NBEA: variants seen among roughly 807,000 people sequenced by gnomAD.
NBEA encodes lysosomal-trafficking regulator 2.
In NBEA, 44 loss-of-function variants were observed where a neutral mutation model predicts 343.4. The ratio of observed to expected loss-of-function variants is 0.13; its 90% CI spans 0.10 to 0.16. The LOEUF is 0.16. NBEA is among the 10% of genes least tolerant of loss of function. The pLI, the probability that NBEA is intolerant of heterozygous loss-of-function variation, is 1.00. For missense variants in NBEA, 2,555 were observed against 3,631.3 expected (o/e 0.70, Z 7.62); for synonymous variants, 1,175 against 1,238.7 (o/e 0.95, Z 1.08).
chr13:35,197,549 A>C (rs1328604449), intron 31 of NBEA, among the ~76,000 whole-genome samples: 1 of 151,120 alleles, frequency 6.6e-6, no homozygotes, highest in East Asian at 1.9e-4. Context: ...ATGGAGTCTC[A>C]CTCTGTCACC....
chr13:35,103,256 C>A (rs1284350389), intron 11 of NBEA, among the ~76,000 whole-genome samples: 2 of 151,794 alleles, frequency 1.3e-5, no homozygotes, highest in African/African-American at 2.4e-5. Flanking sequence ...TTCATTCTTA[C>A]ATGTCCTTTA....
intron 1 of NBEA, among the ~76,000 whole-genome samples, chr13:35,038,086 C>T (rs1423053127): frequency 2.6e-5 from 4 of 152,162 alleles, no homozygotes; most frequent in African/African-American, 9.7e-5. Context: ...AGTCCTTCCC[C>T]TTTTCCACTT....
chr13:35,396,898 A>C (rs2042772448), intron 38 of NBEA, among the ~76,000 whole-genome samples: 1 of 152,084 alleles, frequency 6.6e-6, no homozygotes, highest in African/African-American at 2.4e-5. Context: ...ATTACATCAG[A>C]TAGTCCTGTT....
intron 49 of NBEA, among the ~76,000 whole-genome samples, chr13:35,640,272 C>G (rs550811739): frequency 6.6e-6 from 1 of 152,112 alleles, no homozygotes; most frequent in African/African-American, 2.4e-5. Flanking sequence ...GGAAGGAAAG[C>G]CAAAAAGGAA....
Position 35,177,012 on chromosome 13 carries a change from T to A in NBEA, c.4571T>A (p.Val1524Asp), listed in dbSNP as rs1259762515. ...TAASKTPLEN[V>D]PGNLSPIKDP... The stretch of plus-strand genomic sequence containing the variant: ...TTTTCAAAGACTCCATTGGAAAATG[T>A]TCCAGGTAACCTTTCTCCTATTAAG... The change falls in exon 28 of 59, where the codon GTT (valine) becomes GAT (aspartate). Residue 1524 changes from valine (V) to aspartate (D), a missense_variant. Physicochemically the swap from Val to Asp is radical, Grantham distance 152. Around this residue, in one of 21 missense-constraint regions of NBEA, gnomAD observed 168 missense variants for 193.0 expected, o/e 0.87. Transcript: ENST00000379939. The A allele has an allele frequency of 6.3e-7, 1 of 1,595,332 alleles. No homozygotes were observed. Among genetic ancestry groups the A allele is most frequent in the Non-Finnish European group, 8.6e-7 (1 of 1,168,402 alleles).
intron 28 of NBEA, 84 bp downstream of exon 28, chr13:35,177,187 G>A: frequency 9.8e-7 from 1 of 1,017,470 alleles, no homozygotes; most frequent in Non-Finnish European, 1.5e-6. Context: ...AGCTGCTTAT[G>A]AAAACGACAT....
In NBEA at chr13:35,142,439, A is replaced by G. The variant is rs1280126003; in HGVS notation, c.2445+62A>G. ...TATACAGTGGAAACCCTCTTAATCTATGCAATTGAGATGAGTAGTTGGTCT... is the reference window on the plus strand; with the variant it reads ...TATACAGTGGAAACCCTCTTAATCTGTGCAATTGAGATGAGTAGTTGGTCT... On this transcript the variant is annotated intron_variant, in intron 18 of 58. Coordinates refer to ENST00000379939, the MANE Select transcript of NBEA (RefSeq NM_001385012.1). The G allele has an allele frequency of 9.5e-6, 11 of 1,155,128 alleles. No homozygotes were observed. In the East Asian group the frequency reaches 1.2e-4, roughly 13 times the overall value. 71.6% of individuals were successfully genotyped at this position (1,155,128 alleles called of 1,614,324 possible). A position where few individuals can be genotyped will look rare whatever the true frequency, so the allele number is the denominator to read the frequency against.
At chr13:35,290,630 T>A (rs2035744667) in intron 35 of NBEA, among the ~76,000 whole-genome samples, 180 bp downstream of exon 35, 1 of 151,414 alleles carries the variant, frequency 6.6e-6, no homozygotes, top group Admixed American at 6.6e-5. Flanking sequence ...TCTTACCATG[T>A]AAATATTGAC....
At chr13:35,625,721 C>A (rs1237291310) in intron 48 of NBEA, among the ~76,000 whole-genome samples, 1 of 152,000 alleles carries the variant, frequency 6.6e-6, no homozygotes, top group African/African-American at 2.4e-5. Context: ...AGGAAATTTA[C>A]AGAAGAGGAA....
intron 34 of NBEA, among the ~76,000 whole-genome samples, chr13:35,249,006 G>A (rs369915242): frequency 6.6e-5 from 10 of 151,944 alleles, no homozygotes; most frequent in Non-Finnish European, 1.3e-4. Flanking sequence ...AAAATTAGCC[G>A]GGCATGTTGG....
intron 1 of NBEA, among the ~76,000 whole-genome samples, chr13:35,038,953 C>T (rs1003097087): frequency 1.3e-5 from 2 of 152,058 alleles, no homozygotes; most frequent in Non-Finnish European, 2.9e-5. Flanking sequence ...AGGTACAGTC[C>T]TTATGGCCTA....
chr13:35,318,710 G>A (rs1467236120), intron 36 of NBEA, among the ~76,000 whole-genome samples: 2 of 152,128 alleles, frequency 1.3e-5, no homozygotes, highest in Non-Finnish European at 2.9e-5. Flanking sequence ...GGTAGAATTC[G>A]GCTATGAATC....
chr13:35,582,042 T>C (rs2081074891), intron 45 of NBEA, among the ~76,000 whole-genome samples: 1 of 152,074 alleles, frequency 6.6e-6, no homozygotes, highest in African/African-American at 2.4e-5. Context: ...ATCCCAGCAC[T>C]TTGGGAGGCC....
chr13:35,262,633 C>G (rs1254292764), intron 34 of NBEA, among the ~76,000 whole-genome samples: 1 of 152,074 alleles, frequency 6.6e-6, no homozygotes, highest in Non-Finnish European at 1.5e-5. Context: ...ATAACAAAAT[C>G]ATACTGATGA....
intron 1 of NBEA, among the ~76,000 whole-genome samples, chr13:35,037,815 C>A (rs534546581): frequency 6.7e-4 from 102 of 152,300 alleles, no homozygotes; most frequent in African/African-American, 2.3e-3. Flanking sequence ...AGTGCTGGGT[C>A]TTGCCCAAGG....
intron 33 of NBEA, among the ~76,000 whole-genome samples, chr13:35,212,744 T>C (rs1431399174): frequency 6.6e-6 from 1 of 152,144 alleles, no homozygotes; most frequent in Non-Finnish European, 1.5e-5. Context: ...ATAGTGGCAT[T>C]CCATTGTATT....
intron 38 of NBEA, among the ~76,000 whole-genome samples, chr13:35,415,283 G>A (rs1464443418): frequency 6.6e-6 from 1 of 152,102 alleles, no homozygotes; most frequent in African/African-American, 2.4e-5. Flanking sequence ...ATTGCTTTTG[G>A]TGTTTTAGTC....
intron 41 of NBEA, among the ~76,000 whole-genome samples, chr13:35,496,631 CAAAAAAAAAA>C (rs3075499): frequency 1.6e-3 from 166 of 105,244 alleles, no homozygotes; most frequent in African/African-American, 5.3e-3. Flanking sequence ...GAGATTCTGT[CAAAAAAAAAA>C]AAAAAAAAAG....
chr13:35,278,153 A>G (rs1341995556), intron 34 of NBEA, among the ~76,000 whole-genome samples: 1 of 149,216 alleles, frequency 6.7e-6, no homozygotes, highest in South Asian at 2.1e-4. Flanking sequence ...ACACATATAT[A>G]TGCATGTATA....
Sources: gnomAD v4.1 joint callset for allele counts (sites outside exome capture counted in the v4.1 genomes callset) on GRCh38, gnomAD v4.1.1 for gene constraint, gnomAD v4.1.1 regional missense constraint, MANE v1.5 for transcripts, NCBI Gene and HGNC (gene_info 2026-07-23, HGNC 2026-07-21) for gene names.